The following PDE8B variants were observed in gnomAD, a reference collection of about 807,000 sequenced individuals.
PDE8B encodes phosphodiesterase 8B, also known as high affinity cAMP-specific and IBMX-insensitive 3',5'-cyclic phosphodiesterase 8B.
In PDE8B, 26 loss-of-function variants were observed where a neutral mutation model predicts 101.3. The ratio of observed to expected loss-of-function variants is 0.26; its 90% confidence interval spans 0.19 to 0.36. PDE8B has a LOEUF of 0.36. Among genes scored for constraint, PDE8B ranks in the 10% least tolerant of loss-of-function variants. PDE8B has a pLI of 1.00. For missense variants in PDE8B, 810 were observed against 1,163.1 expected (o/e 0.70, Z 4.42); for synonymous variants, 424 against 429.3 (o/e 0.99, Z 0.15).
At chr5:77,148,892 T>A in the PDE8B span, among the ~76,000 whole-genome samples, 3 of 152,226 alleles carry the variant, frequency 2.0e-5, no homozygotes, top group Admixed American at 6.5e-5. Context: ...AAGTCTAATG[T>A]ATCACTTCTT....
At chr5:77,289,114 T>C (rs1240488020) in intron 1 of PDE8B, among the ~76,000 whole-genome samples, 1 of 152,184 alleles carries the variant, frequency 6.6e-6, no homozygotes, top group African/African-American at 2.4e-5. Context: ...CATGCTCTAG[T>C]AGAGTGGGTT....
upstream of PDE8B, among the ~76,000 whole-genome samples, chr5:77,208,725 C>T (rs1015263817): frequency 6.6e-6 from 1 of 152,196 alleles, no homozygotes; most frequent in Non-Finnish European, 1.5e-5. Context: ...GTGCTGCCAG[C>T]AGAAAGCCCT....
intron 2 of PDE8B, among the ~76,000 whole-genome samples, chr5:77,318,895 T>C (rs1343114854): frequency 6.6e-6 from 1 of 152,224 alleles, no homozygotes; most frequent in Non-Finnish European, 1.5e-5. Flanking sequence ...GACACATAGA[T>C]ACACCCTCAT....
chr5:77,283,156 AT>A (rs1371830944), intron 1 of PDE8B, among the ~76,000 whole-genome samples: 7 of 152,202 alleles, frequency 4.6e-5, no homozygotes, highest in Admixed American at 1.3e-4. Context: ...TTTTAAAAAA[AT>A]AGACTTAATT....
intron 5 of PDE8B, 102 bp downstream of exon 5, chr5:77,331,561 A>G: frequency 2.2e-6 from 2 of 925,506 alleles, no homozygotes; most frequent in Non-Finnish European, 3.6e-6. Flanking sequence ...TGTTAAGGAA[A>G]TTAAGCCCCA....
intron 1 of PDE8B, among the ~76,000 whole-genome samples, chr5:77,304,756 A>G (rs1580913219): frequency 6.6e-6 from 1 of 152,254 alleles, no homozygotes; most frequent in Non-Finnish European, 1.5e-5. Flanking sequence ...CAGAAAAACT[A>G]TGAAAGAGAT....
intron 1 of PDE8B, among the ~76,000 whole-genome samples, chr5:77,263,953 C>T (rs766485507): frequency 3.9e-5 from 6 of 152,156 alleles, no homozygotes; most frequent in Admixed American, 6.6e-5. Context: ...ATTAGCAGCC[C>T]CAGCCCCAGA....
At chr5:77,089,906 C>G in the PDE8B span, among the ~76,000 whole-genome samples, 1 of 152,136 alleles carries the variant, frequency 6.6e-6, no homozygotes, top group African/African-American at 2.4e-5. Flanking sequence ...AGTCTATCAA[C>G]AGATCAGTAA....
intron 18 of PDE8B, 60 bp downstream of exon 18, chr5:77,418,506 A>C (rs1484357858): frequency 2.2e-5 from 25 of 1,161,902 alleles, no homozygotes; most frequent in Non-Finnish European, 3.1e-5. Flanking sequence ...TTTCCCAAAT[A>C]CTTAGCTTCC....
At chr5:77,315,189 T>A (rs1773540668) in intron 2 of PDE8B, among the ~76,000 whole-genome samples, 1 of 152,232 alleles carries the variant, frequency 6.6e-6, no homozygotes, top group African/African-American at 2.4e-5. Flanking sequence ...TTTCACTTTT[T>A]AAAAATGGTT....
chr5:77,115,033 A>T, the PDE8B span: 1 of 152,234 alleles, frequency 6.6e-6, no homozygotes, highest in Non-Finnish European at 1.5e-5. Flanking sequence ...TCATCCTGCC[A>T]TTCAGTAAAT....
At chr5:77,263,235 G>T (rs745326732) in intron 1 of PDE8B, among the ~76,000 whole-genome samples, 2 of 152,202 alleles carry the variant, frequency 1.3e-5, no homozygotes, top group Admixed American at 6.5e-5. Flanking sequence ...ATTTTTGTAA[G>T]AGAATAGGAA....
At chr5:77,425,933 GTTATACTTTACGAATA>G (rs779168196) in intron 21 of PDE8B, 37 bp downstream of exon 21, 77 of 1,593,276 alleles carry the variant, frequency 4.8e-5, no homozygotes, top group Non-Finnish European at 6.1e-5. Flanking sequence ...AAAGAAAATT[GTTATACTTTACGAATA>G]TTATCTTTAG....
At chr5:77,159,794 T>A in the PDE8B span, among the ~76,000 whole-genome samples, 1 of 152,170 alleles carries the variant, frequency 6.6e-6, no homozygotes, top group Non-Finnish European at 1.5e-5. Flanking sequence ...GCCTGGAGCC[T>A]GCCTAGGATA....
chr5:77,425,256 G>T (rs1049210173), intron 20 of PDE8B, among the ~76,000 whole-genome samples: 1 of 152,144 alleles, frequency 6.6e-6, no homozygotes, highest in Non-Finnish European at 1.5e-5. Context: ...AGATGCTATG[G>T]TATCACATAG....
chr5:77,356,994 T>C lies in PDE8B; in HGVS notation c.1167+3588T>C, dbSNP rs111723109. On this transcript the variant is annotated intron_variant, in intron 10 of 21. Transcript: ENST00000264917. ...CTCCAGGAAAAGATACTGTAACCAG[T>C]TTCCCAGGCCCCTAGGAGGCTTTTA... Among the ~76,000 whole-genome samples the C allele has an allele frequency of 7.3e-3, 1,110 of 152,286 alleles. 10 individuals carry two copies. The highest frequency in any genetic ancestry group is 0.025 in the African/African-American group (1,022 of 41,536).
At chr5:77,101,045 T>C in the PDE8B span, among the ~76,000 whole-genome samples, 1 of 147,744 alleles carries the variant, frequency 6.8e-6, no homozygotes, top group African/African-American at 2.5e-5. Flanking sequence ...TCATAGCCCA[T>C]TGCAGCCTCA....
intron 20 of PDE8B, among the ~76,000 whole-genome samples, chr5:77,422,382 A>G (rs1796853600): frequency 6.6e-6 from 1 of 152,196 alleles, no homozygotes; most frequent in South Asian, 2.1e-4. Context: ...CCAGTCCAAT[A>G]GGGGAGAGAT....
chr5:77,391,785 G>C (rs1178376254), intron 10 of PDE8B, among the ~76,000 whole-genome samples: 1 of 152,182 alleles, frequency 6.6e-6, no homozygotes, highest in Non-Finnish European at 1.5e-5. Context: ...TTTGTTTTTT[G>C]TTTTGTTTTT....
Sources: gnomAD v4.1 joint callset for allele counts (sites outside exome capture counted in the v4.1 genomes callset) on GRCh38, gnomAD v4.1.1 for gene constraint, MANE v1.5 for transcripts, NCBI Gene and HGNC (gene_info 2026-07-23, HGNC 2026-07-21) for gene names.